Variants in RGS6 observed in about 807,000 individuals in gnomAD.
The protein encoded by RGS6 is regulator of G protein signaling 6.
A neutral mutation model predicts 78.5 loss-of-function variants in RGS6; 30 were observed. That is an observed-to-expected ratio of 0.38 (90% confidence interval 0.29 to 0.52). The LOEUF is 0.52. Ranked by LOEUF, RGS6 falls within the 20% of genes least tolerant of loss-of-function variation. The probability of loss-of-function intolerance (pLI) is 0.85; values close to 1 mark genes in which losing one functional copy is unlikely to be tolerated. For missense variants in RGS6, 495 were observed against 609.7 expected, an observed-to-expected ratio of 0.81 and a Z score of 1.98; for synonymous variants, 206 against 206.0, an observed-to-expected ratio of 1.00 and a Z score of 0.00.
rs545603080 is a variant in RGS6 at position 72,233,620 on chromosome 14, C to A, written c.85-118475C>A. On this transcript the variant is annotated intron_variant, in intron 2 of 17. Coordinates refer to ENST00000553525, the MANE Select transcript of RGS6 (RefSeq NM_001204424.2). ...GTTAGTAGTCCAATGCTTAGGACAC[C>A]ATTTTCAGGTAGCTGTTTTTTAGTG... Among the ~76,000 whole-genome samples, 6 of 152,260 alleles carry A rather than the reference C, an allele frequency of 3.9e-5. No homozygotes were observed. The East Asian group carries it at 1.2e-3, about 29-fold the overall frequency.
the RGS6 span, among the ~76,000 whole-genome samples, chr14:72,586,574 T>G: frequency 6.6e-6 from 1 of 152,084 alleles, no homozygotes; most frequent in East Asian, 1.9e-4. Flanking sequence ...GTGAATGGAG[T>G]AAGATACTGA....
At chr14:71,908,365 T>G in the RGS6 span, 1 of 152,334 alleles carries the variant, frequency 6.6e-6, no homozygotes, top group Middle Eastern at 3.4e-3. Context: ...GAGTTTCCAA[T>G]GTGGGAGTTT....
Position 72,124,916 on chromosome 14 carries a change from A to C in RGS6, c.84+160041A>C, listed in dbSNP as rs77412869. Among the ~76,000 whole-genome samples the C allele has an allele frequency of 4.5e-3, 686 of 152,336 alleles. 3 individuals carry two copies. Among genetic ancestry groups the C allele is most frequent in the African/African-American group, 0.015 (625 of 41,578 alleles). ...AGGCCAAAAGTCAGATAAACAACAT[A>C]AGAGAAGGTGGCAGTGCTAGAGATG... On this transcript the variant is annotated intron_variant, in intron 2 of 17. Coordinates refer to ENST00000553525, the MANE Select transcript of RGS6 (RefSeq NM_001204424.2).
At chr14:72,346,561 A>C (rs2529471) in intron 2 of RGS6, among the ~76,000 whole-genome samples, 70,640 of 152,090 alleles carry the variant, frequency 0.46, 16,714 homozygotes, top group South Asian at 0.6. Context: ...CATGGAGAGG[A>C]AGATCTCAGA....
intron 2 of RGS6, among the ~76,000 whole-genome samples, chr14:72,102,449 G>GT (rs1049673212): frequency 6.6e-6 from 1 of 152,194 alleles, no homozygotes; most frequent in South Asian, 2.1e-4. Flanking sequence ...AAGCTGGAGG[G>GT]TTTTTTTGTG....
At chr14:71,972,170 A>G (rs1020225566) in intron 2 of RGS6, among the ~76,000 whole-genome samples, 1 of 151,908 alleles carries the variant, frequency 6.6e-6, no homozygotes, top group Non-Finnish European at 1.5e-5. Flanking sequence ...AATTTTGGAC[A>G]TATTATCCCA....
At chr14:72,304,105 C>A (rs920948613) in intron 2 of RGS6, among the ~76,000 whole-genome samples, 1 of 152,218 alleles carries the variant, frequency 6.6e-6, no homozygotes. Context: ...ACCTCTCCCC[C>A]TTGTTACTAC....
At chr14:72,607,344 A>C in the RGS6 span, among the ~76,000 whole-genome samples, 24 of 152,344 alleles carry the variant, frequency 1.6e-4, no homozygotes, top group Admixed American at 1.5e-3. Context: ...GTGTCCAGCA[A>C]GGGCCTGCCT....
At chr14:72,619,446 A>T in the RGS6 span, 15 of 1,458,832 alleles carry the variant, frequency 1.0e-5, no homozygotes, top group South Asian at 1.7e-4. Context: ...AACTTCTTGT[A>T]AATCCTGTTT....
At chr14:72,307,400 A>G (rs1412198392) in intron 2 of RGS6, among the ~76,000 whole-genome samples, 1 of 152,082 alleles carries the variant, frequency 6.6e-6, no homozygotes, top group Non-Finnish European at 1.5e-5. Flanking sequence ...TCCTGATGTT[A>G]TTGTCAAGAT....
chr14:72,487,024 C>T (rs898415804), intron 12 of RGS6, among the ~76,000 whole-genome samples: 3 of 152,148 alleles, frequency 2.0e-5, no homozygotes, highest in Non-Finnish European at 4.4e-5. Flanking sequence ...TCACCCTCCC[C>T]TCCCACCAAG....
At chr14:72,304,925 A>G (rs1172016279) in intron 2 of RGS6, among the ~76,000 whole-genome samples, 1 of 152,152 alleles carries the variant, frequency 6.6e-6, no homozygotes, top group Non-Finnish European at 1.5e-5. Context: ...ATTGCTTTTC[A>G]TAGAATGTGT....
chr14:71,934,647 A>G (rs2088681830), intron 1 of RGS6, among the ~76,000 whole-genome samples: 1 of 152,232 alleles, frequency 6.6e-6, no homozygotes, highest in South Asian at 2.1e-4. Flanking sequence ...GACTTGCAGA[A>G]TAAGATCTGC....
chr14:72,622,159 C>T, the RGS6 span, among the ~76,000 whole-genome samples: 1 of 152,184 alleles, frequency 6.6e-6, no homozygotes, highest in Non-Finnish European at 1.5e-5. Flanking sequence ...TAGAAATGTA[C>T]ATTTTTCTAT....
chr14:72,454,614 G>C, intron 4 of RGS6, 36 bp downstream of exon 4: 1 of 1,590,280 alleles, frequency 6.3e-7, no homozygotes, highest in Non-Finnish European at 8.6e-7. Flanking sequence ...ATCTCCCCTG[G>C]TATCAGTAAA....
intron 2 of RGS6, among the ~76,000 whole-genome samples, chr14:72,052,484 A>G (rs1465728174): frequency 6.6e-6 from 1 of 152,198 alleles, no homozygotes; most frequent in Non-Finnish European, 1.5e-5. Flanking sequence ...TGCAGTGATG[A>G]GAAGCCTCTT....
At chr14:72,173,069 G>A (rs1035794156) in intron 2 of RGS6, among the ~76,000 whole-genome samples, 8 of 152,118 alleles carry the variant, frequency 5.3e-5, no homozygotes, top group African/African-American at 1.9e-4. Context: ...CTGTAAAGAG[G>A]AAAATACCCT....
chr14:71,880,385 G>A, the RGS6 span, among the ~76,000 whole-genome samples: 1 of 152,338 alleles, frequency 6.6e-6, no homozygotes, highest in South Asian at 2.1e-4. Context: ...AGACAATGGG[G>A]AAAATGTCTC....
At chr14:72,186,436 C>T (rs913588740) in intron 2 of RGS6, among the ~76,000 whole-genome samples, 3 of 152,168 alleles carry the variant, frequency 2.0e-5, no homozygotes, top group African/African-American at 7.2e-5. Flanking sequence ...TTATCTTCTC[C>T]AGGAATTTTG....
Sources: gnomAD v4.1 joint callset for allele counts (sites outside exome capture counted in the v4.1 genomes callset) on GRCh38, gnomAD v4.1.1 for gene constraint, MANE v1.5 for transcripts, NCBI Gene and HGNC (gene_info 2026-07-23, HGNC 2026-07-21) for gene names.